The following TCF7 variants were observed in gnomAD, a reference collection of about 807,000 sequenced individuals.
TCF7 encodes the protein transcription factor 7.
Under a neutral mutation model 46.8 loss-of-function variants are expected in TCF7, and 19 were observed. That is an observed-to-expected ratio of 0.41 (90% CI 0.28 to 0.60). The LOEUF (loss-of-function observed/expected upper bound fraction) is 0.60. Among genes scored for constraint, TCF7 ranks in the 20% least tolerant of loss-of-function variants. The probability of loss-of-function intolerance (pLI) is 0.35; values close to 1 mark genes in which losing one functional copy is unlikely to be tolerated. For missense variants in TCF7, 547 were observed against 504.6 expected (o/e 1.08, Z -0.81); for synonymous variants, 245 against 213.4 (o/e 1.15, Z -1.29).
chr5:134,124,997 G>A lies in TCF7; in HGVS notation c.441+8964G>A, dbSNP rs533114710. Among the ~76,000 whole-genome samples the A allele has an allele frequency of 3.3e-5, 5 of 152,322 alleles. No individual in the cohort carries two copies. In the South Asian group the frequency reaches 8.3e-4, roughly 25 times the overall value. ...GCTGTGTGACCTCACGCAAATCTGT[G>A]AACCTCTCTAGGTCTCAGTTTCTTA... On this transcript the variant is annotated intron_variant, in intron 3 of 9. Transcript: ENST00000342854.
At chr5:134,142,036 C>A in intron 5 of TCF7, 149 bp from the exon 6 acceptor site, 1 of 1,076,914 alleles carries the variant, frequency 9.3e-7, no homozygotes, top group Non-Finnish European at 1.3e-6. Flanking sequence ...TTGTATTTAT[C>A]TCTGTGTACT....
chr5:134,145,602 C>A, intron 9 of TCF7: 1 of 853,054 alleles, frequency 1.2e-6, no homozygotes, highest in Non-Finnish European at 1.8e-6. Context: ...GAACACTTGT[C>A]CAGCCTCTCA....
upstream of TCF7, among the ~76,000 whole-genome samples, chr5:134,113,104 C>T (rs1396787494): frequency 6.6e-6 from 1 of 152,208 alleles, no homozygotes; most frequent in Non-Finnish European, 1.5e-5. Context: ...CTCTCCCCTC[C>T]GGGCAGGGCC....
At chr5:134,118,493 G>T (rs545167756) in intron 3 of TCF7, among the ~76,000 whole-genome samples, 2 of 152,328 alleles carry the variant, frequency 1.3e-5, no homozygotes, top group East Asian at 3.9e-4. Context: ...TGGGTAGGAT[G>T]CCCATGTGGC....
chr5:134,126,454 A>G (rs543914651), intron 3 of TCF7, among the ~76,000 whole-genome samples: 1 of 152,330 alleles, frequency 6.6e-6, no homozygotes, highest in Admixed American at 6.5e-5. Context: ...TGTTCATTTC[A>G]CCACTGGGTT....
chr5:134,126,410 G>A (rs565395550), intron 3 of TCF7, among the ~76,000 whole-genome samples: 33 of 152,242 alleles, frequency 2.2e-4, no homozygotes, highest in Non-Finnish European at 4.1e-4. Flanking sequence ...GACCAGAAAG[G>A]GCCGGAGAGG....
intron 3 of TCF7, among the ~76,000 whole-genome samples, chr5:134,118,386 A>G (rs966297760): frequency 2.0e-5 from 3 of 152,130 alleles, no homozygotes; most frequent in African/African-American, 4.8e-5. Flanking sequence ...GAGGGCACCT[A>G]TGTGGTCAAC....
intron 3 of TCF7, among the ~76,000 whole-genome samples, chr5:134,123,329 C>T (rs1756859971): frequency 6.6e-6 from 1 of 152,232 alleles, no homozygotes; most frequent in Admixed American, 6.5e-5. Context: ...CCGACTGAGC[C>T]CCTTCTCTAT....
At chr5:134,143,342 A>G in intron 8 of TCF7, 1 of 776,284 alleles carries the variant, frequency 1.3e-6, no homozygotes, top group Non-Finnish European at 2.3e-6. Flanking sequence ...CCACATGGGC[A>G]GAAGGGGAGA....
chr5:134,139,239 G>A, intron 5 of TCF7: 1 of 737,516 alleles, frequency 1.4e-6, no homozygotes, highest in East Asian at 2.7e-5. Context: ...ATTCCCCAGG[G>A]AGCCTGACAT....
chr5:134,139,068 C>A, intron 5 of TCF7, 30 bp downstream of exon 5: 2 of 1,611,940 alleles, frequency 1.2e-6, no homozygotes, highest in Middle Eastern at 3.3e-4. Context: ...GAAAGGGGTA[C>A]CGTGTGCTGG....
chr5:134,135,514 G>T (rs568322625), intron 3 of TCF7, among the ~76,000 whole-genome samples: 8 of 152,192 alleles, frequency 5.3e-5, no homozygotes, highest in Non-Finnish European at 1.2e-4. Flanking sequence ...ATTAGGATTT[G>T]CTGACAAATT....
At chr5:134,138,350 G>C in intron 4 of TCF7, 186 bp downstream of exon 4, 1 of 573,134 alleles carries the variant, frequency 1.7e-6, no homozygotes, top group Non-Finnish European at 3.1e-6. Context: ...ACTGGAAAAG[G>C]TGGTGCTAGG....
Position 134,118,172 on chromosome 5 carries a change from G to T in TCF7, c.441+2139G>T, listed in dbSNP as rs534115880. Among the ~76,000 whole-genome samples the T allele has an allele frequency of 3.7e-3, 559 of 152,332 alleles. 3 individuals are homozygous for T. The highest frequency in any genetic ancestry group is 0.013 in the African/African-American group (527 of 41,570). ...AAGCATATTTATTATTGGATTCAAG[G>T]TTCATGTGTCTGGAACCAGGAATGA... On this transcript the variant is annotated intron_variant, in intron 3 of 9. Transcript: ENST00000342854.
At chr5:134,144,526 T>C in intron 9 of TCF7, 2 of 464,082 alleles carry the variant, frequency 4.3e-6, no homozygotes, top group South Asian at 4.8e-5. Context: ...GCCACAGAGA[T>C]GAGCCAGATT....
At chr5:134,132,720 G>A (rs1212594459) in intron 3 of TCF7, among the ~76,000 whole-genome samples, 1 of 143,226 alleles carries the variant, frequency 7.0e-6, no homozygotes, top group Non-Finnish European at 1.5e-5. Context: ...TTTTTCACCT[G>A]AGCCTGCAGG....
chr5:134,143,559 A>G, intron 8 of TCF7, 33 bp from the exon 9 acceptor site: 1 of 1,614,090 alleles, frequency 6.2e-7, no homozygotes. Context: ...TCTGCCTCCC[A>G]GATCTGAGCA....
rs895720672 is a variant in TCF7, at chr5:134,147,826, AT to A, written c.*1525del. The A allele has an allele frequency of 2.0e-5, 3 of 152,018 alleles. No individual in the cohort carries two copies. The highest frequency in any genetic ancestry group is 2.9e-5 in the Non-Finnish European group (2 of 68,018). The allele number at this position is 152,018 out of a possible 1,614,324, so 9.4% of individuals were successfully genotyped here. Reference sequence around the variant, plus strand: ...CCCTGTATCTACTAAAAATACAAAAATTAGCCGGACGTGGTGGTGCGCGCAT... The same window carrying A: ...CCCTGTATCTACTAAAAATACAAAAATAGCCGGACGTGGTGGTGCGCGCAT... On this transcript the variant is annotated 3_prime_UTR_variant, in exon 10 of 10. Transcript: ENST00000342854.
Position 134,138,797 on chromosome 5 carries a change from A to G in TCF7, c.548-154A>G, listed in dbSNP as rs533659410. The G allele has an allele frequency of 2.8e-5, 35 of 1,241,940 alleles. No individual in the cohort carries two copies. The East Asian group carries it at 8.7e-4, about 31-fold the overall frequency. The allele number at this position is 1,241,940 out of a possible 1,614,324, so 76.9% of individuals were successfully genotyped here. ...TCTGTCAAAGGGGCACTATTATCAC[A>G]CTGGGATCCTCCTGAATAAACTAGT... On this transcript the variant is annotated intron_variant, in intron 4 of 9. Coordinates refer to ENST00000342854, the MANE Select transcript of TCF7 (RefSeq NM_003202.5).
Sources: gnomAD v4.1 joint callset for allele counts (sites outside exome capture counted in the v4.1 genomes callset) on GRCh38, gnomAD v4.1.1 for gene constraint, MANE v1.5 for transcripts, NCBI Gene and HGNC (gene_info 2026-07-23, HGNC 2026-07-21) for gene names.